The following TRHDE variants were observed in gnomAD, a reference collection of about 807,000 sequenced individuals.
The protein encoded by TRHDE is thyrotropin releasing hormone degrading enzyme, also known as thyrotropin-releasing hormone-degrading ectoenzyme.
In TRHDE, 72 loss-of-function variants were observed where a neutral mutation model predicts 125.7. That is an observed-to-expected ratio of 0.57 (90% CI 0.47 to 0.70). The LOEUF is 0.70. Among genes scored for constraint, TRHDE ranks in the 30% least tolerant of loss-of-function variants. The pLI is 0.00. For missense variants in TRHDE, 1,110 were observed against 1,327.1 expected (o/e 0.84, Z 2.54); for synonymous variants, 509 against 509.1 (o/e 1.00, Z 0.00).
intron 3 of TRHDE, among the ~76,000 whole-genome samples, chr12:72,468,222 TA>T (rs1165121245): frequency 6.6e-6 from 1 of 152,224 alleles, no homozygotes; most frequent in Admixed American, 6.5e-5. Context: ...TACTTGTTTT[TA>T]AATAGTAGAT....
intron 2 of TRHDE, among the ~76,000 whole-genome samples, chr12:72,310,896 A>G (rs1180939613): frequency 1.3e-5 from 2 of 151,938 alleles, no homozygotes; most frequent in Non-Finnish European, 2.9e-5. Context: ...ATTTCTGACA[A>G]CTCTGCATTT....
At chr12:72,654,712 C>T (rs1388676005) in intron 17 of TRHDE, among the ~76,000 whole-genome samples, 1 of 152,098 alleles carries the variant, frequency 6.6e-6, no homozygotes, top group Non-Finnish European at 1.5e-5. Flanking sequence ...TTTTCTCTTG[C>T]CATATATAAC....
chr12:72,456,039 T>C (rs996752493), intron 3 of TRHDE, among the ~76,000 whole-genome samples: 5 of 151,380 alleles, frequency 3.3e-5, no homozygotes, highest in Non-Finnish European at 1.5e-5. Context: ...CTGATGTGTA[T>C]ATATGTAATA....
intron 3 of TRHDE, among the ~76,000 whole-genome samples, chr12:72,460,391 G>A (rs1403683939): frequency 1.3e-5 from 2 of 152,118 alleles, no homozygotes; most frequent in Admixed American, 1.3e-4. Flanking sequence ...TGTAGCATAT[G>A]CACTGCATTG....
At chr12:72,508,324 G>A (rs1388315515) in intron 6 of TRHDE, among the ~76,000 whole-genome samples, 1 of 152,182 alleles carries the variant, frequency 6.6e-6, no homozygotes, top group Admixed American at 6.5e-5. Context: ...CTTGAGAGCA[G>A]CCATGGGAAC....
At chr12:72,107,476 C>T (rs1339457895) in intron 2 of TRHDE, among the ~76,000 whole-genome samples, 1 of 152,068 alleles carries the variant, frequency 6.6e-6, no homozygotes, top group African/African-American at 2.4e-5. Context: ...GGGGTTTAGC[C>T]GTAACCTGTG....
chr12:72,442,806 C>T (rs1018126268), intron 3 of TRHDE, among the ~76,000 whole-genome samples: 1 of 151,774 alleles, frequency 6.6e-6, no homozygotes. Flanking sequence ...TTTTTAGGTT[C>T]CTTCACCTTG....
intron 12 of TRHDE, among the ~76,000 whole-genome samples, chr12:72,617,004 C>G (rs554726956): frequency 3.7e-4 from 57 of 152,064 alleles, no homozygotes; most frequent in Non-Finnish European, 7.7e-4. Context: ...TTTCAGGGAG[C>G]AACAAACCTA....
At chr12:72,148,545 A>G (rs1418292294) in intron 2 of TRHDE, among the ~76,000 whole-genome samples, 5 of 152,240 alleles carry the variant, frequency 3.3e-5, no homozygotes, top group African/African-American at 1.2e-4. Context: ...TGGAGCAATC[A>G]CATCTTCACA....
At chr12:72,216,219 C>T (rs557262942) in intron 2 of TRHDE, among the ~76,000 whole-genome samples, 3 of 152,004 alleles carry the variant, frequency 2.0e-5, no homozygotes, top group Admixed American at 6.6e-5. Context: ...ATTTTGTGTT[C>T]AATTCTATGA....
intron 17 of TRHDE, among the ~76,000 whole-genome samples, chr12:72,655,634 A>T (rs1281584225): frequency 6.6e-6 from 1 of 152,122 alleles, no homozygotes; most frequent in Non-Finnish European, 1.5e-5. Context: ...ATCTGATTAC[A>T]TGTCTAGCTC....
chr12:72,265,241 C>T lies in TRHDE; in HGVS notation n.280-112754C>T, dbSNP rs577748366. Among the ~76,000 whole-genome samples, 4 of 151,812 alleles carry T rather than the reference C, an allele frequency of 2.6e-5. No homozygotes were observed. In the South Asian group the frequency reaches 8.3e-4, roughly 32 times the overall value. On this transcript the variant is annotated intron_variant and non_coding_transcript_variant, in intron 2 of 4. Coordinates refer to the TRHDE transcript ENST00000548156. ...AAATTTTTTAATGATCAAGAAAAAG[C>T]CATTTTAGCCAAAGTCTAATTGTTT...
chr12:72,329,202 A>G (rs1349874900), intron 2 of TRHDE, among the ~76,000 whole-genome samples: 1 of 152,212 alleles, frequency 6.6e-6, no homozygotes, highest in South Asian at 2.1e-4. Context: ...ATGTTAAATG[A>G]AGCAGAGGGC....
chr12:72,393,224 TA>T (rs1872672914), intron 3 of TRHDE, among the ~76,000 whole-genome samples: 1 of 152,220 alleles, frequency 6.6e-6, no homozygotes, highest in Non-Finnish European at 1.5e-5. Context: ...TGCTTCAAAC[TA>T]AGATGGAAGA....
intron 2 of TRHDE, among the ~76,000 whole-genome samples, chr12:72,138,812 G>A (rs1876047931): frequency 1.3e-5 from 2 of 152,226 alleles, no homozygotes; most frequent in Admixed American, 1.3e-4. Flanking sequence ...TGACATTGCT[G>A]TGAACTATCC....
At chr12:72,360,984 C>A (rs1014475952) in intron 2 of TRHDE, among the ~76,000 whole-genome samples, 1 of 150,488 alleles carries the variant, frequency 6.6e-6, no homozygotes, top group Non-Finnish European at 1.5e-5. Context: ...TCTCCCTCCC[C>A]CTATCCCCAC....
chr12:72,664,171 A>AT lies in TRHDE; in HGVS notation c.*980dup, dbSNP rs1419734536. The AT allele has an allele frequency of 6.6e-6, 1 of 152,412 alleles. No homozygotes were observed. Among genetic ancestry groups the AT allele is most frequent in the East Asian group, 1.9e-4 (1 of 5,170 alleles). The allele number at this position is 152,412 out of a possible 1,614,324, so 9.4% of individuals were successfully genotyped here. On this transcript the variant is annotated 3_prime_UTR_variant, in exon 19 of 19. Transcript: ENST00000261180. ...TCTCCTGTGTCAGTCTTGCCTATAG[A>AT]TTTTGCCATCGTTTTCTGTCAAAGT...
At chr12:72,098,519 C>T (rs747135618) in intron 1 of TRHDE, among the ~76,000 whole-genome samples, 77 of 151,976 alleles carry the variant, frequency 5.1e-4, no homozygotes, top group South Asian at 6.2e-4. Flanking sequence ...AATTTAGAGG[C>T]GGAATCTTTT....
intron 3 of TRHDE, among the ~76,000 whole-genome samples, chr12:72,420,396 C>T (rs560812465): frequency 1.8e-4 from 27 of 152,242 alleles, no homozygotes; most frequent in African/African-American, 6.5e-4. Context: ...AAGACTGTCT[C>T]ATGTCTGGAA....
Sources: gnomAD v4.1 joint callset for allele counts (sites outside exome capture counted in the v4.1 genomes callset) on GRCh38, gnomAD v4.1.1 for gene constraint, MANE v1.5 for transcripts, NCBI Gene and HGNC (gene_info 2026-07-23, HGNC 2026-07-21) for gene names.